Variants in PREX2 observed in about 807,000 individuals in gnomAD.
The protein encoded by PREX2 is phosphatidylinositol 3,4,5-trisphosphate-dependent Rac exchanger 2 protein.
PREX2 carries 107 observed loss-of-function variants against 203.2 expected under a neutral mutation model. That is an observed-to-expected ratio of 0.53 (90% CI 0.45 to 0.62). The LOEUF (loss-of-function observed/expected upper bound fraction) is 0.62. PREX2 is among the 20% of genes least tolerant of loss of function. PREX2 has a pLI of 0.00. For missense variants in PREX2, 1,777 were observed against 1,955.9 expected (o/e 0.91, Z 1.72); for synonymous variants, 672 against 663.6 (o/e 1.01, Z -0.19).
intron 32 of PREX2, among the ~76,000 whole-genome samples, chr8:68,135,143 A>AGC: frequency 8.5e-6 from 1 of 118,136 alleles, no homozygotes; most frequent in Non-Finnish European, 2.0e-5. Flanking sequence ...TATGATAGGA[A>AGC]GCCTACTTTT....
intron 1 of PREX2, among the ~76,000 whole-genome samples, chr8:68,012,088 C>A (rs1179743843): frequency 6.6e-6 from 1 of 152,124 alleles, no homozygotes; most frequent in African/African-American, 2.4e-5. Context: ...TAAATATCTT[C>A]AAAACTCTGT....
intron 1 of PREX2, among the ~76,000 whole-genome samples, chr8:67,956,709 G>A (rs1020823674): frequency 6.6e-5 from 10 of 152,200 alleles, no homozygotes; most frequent in Non-Finnish European, 1.5e-5. Flanking sequence ...GGGTGAAAGG[G>A]AGTGCTATTA....
intron 9 of PREX2, among the ~76,000 whole-genome samples, chr8:68,054,864 C>A (rs1167113921): frequency 6.6e-6 from 1 of 152,214 alleles, no homozygotes; most frequent in Non-Finnish European, 1.5e-5. Context: ...CAATACACCT[C>A]CCTGCTTCCA....
intron 1 of PREX2, among the ~76,000 whole-genome samples, chr8:68,001,473 G>A (rs138773274): frequency 1.6e-4 from 25 of 152,194 alleles, no homozygotes; most frequent in African/African-American, 6.0e-4. Flanking sequence ...CAGAGAAAAG[G>A]GAATATTTAC....
At chr8:67,971,026 C>A (rs55937652) in intron 1 of PREX2, among the ~76,000 whole-genome samples, 41 of 152,144 alleles carry the variant, frequency 2.7e-4, no homozygotes, top group African/African-American at 9.6e-4. Flanking sequence ...TTTTGTGGAA[C>A]AGTGATTAAA....
intron 18 of PREX2, among the ~76,000 whole-genome samples, chr8:68,084,904 A>C (rs1809635274): frequency 6.6e-6 from 1 of 152,168 alleles, no homozygotes; most frequent in Admixed American, 6.5e-5. Context: ...TACTGATCAG[A>C]GACATTCCAA....
chr8:68,124,604 A>G (rs1421313378), intron 30 of PREX2, among the ~76,000 whole-genome samples: 1 of 152,114 alleles, frequency 6.6e-6, no homozygotes, highest in Non-Finnish European at 1.5e-5. Context: ...AAGTGTACCT[A>G]TATAAGAAAC....
chr8:68,158,600 T>C (rs1045364761), intron 35 of PREX2, among the ~76,000 whole-genome samples: 10 of 152,098 alleles, frequency 6.6e-5, no homozygotes, highest in Non-Finnish European at 1.5e-4. Context: ...CTCTAGGGTG[T>C]GGGTTGTAGC....
Position 68,080,573 on chromosome 8 carries a change from T to A in PREX2, c.1773T>A (p.Ala591=). 1 of 1,602,214 alleles carries A rather than the reference T, an allele frequency of 6.2e-7. No homozygotes were observed. Among genetic ancestry groups the A allele is most frequent in the South Asian group, 1.1e-5 (1 of 89,498 alleles). ...HDLKVVENVI[A]KSLLIKSNEG... The stretch of plus-strand genomic sequence containing the variant: ...TAAAAGTTGTGGAAAATGTTATAGC[T>A]AAGTCATTATTGGTAAGTTTATTGA... The change falls in exon 16 of 40, where the codon GCT becomes GCA. Residue 591 remains alanine, a synonymous_variant. Coordinates refer to ENST00000288368, the MANE Select transcript of PREX2 (RefSeq NM_024870.4).
At chr8:67,998,417 C>T (rs1056692088) in intron 1 of PREX2, among the ~76,000 whole-genome samples, 1 of 152,166 alleles carries the variant, frequency 6.6e-6, no homozygotes, top group Non-Finnish European at 1.5e-5. Flanking sequence ...CTGGCTGGTA[C>T]ATGTAAGCTT....
intron 1 of PREX2, among the ~76,000 whole-genome samples, chr8:67,954,067 T>C (rs1426246582): frequency 6.6e-6 from 1 of 152,244 alleles, no homozygotes; most frequent in Non-Finnish European, 1.5e-5. Flanking sequence ...AATTTGTTGA[T>C]CTTTATTTAA....
In PREX2 at chr8:68,127,392, C is replaced by A; in HGVS notation, c.3739C>A (p.Leu1247Ile). The A allele has an allele frequency of 6.2e-7, 1 of 1,607,136 alleles. No homozygotes were observed. Among genetic ancestry groups the A allele is most frequent in the South Asian group, 1.1e-5 (1 of 90,598 alleles). Residue 1247 changes from leucine (L) to isoleucine (I), a missense_variant, in exon 31 of 40, where the codon CTA becomes ATA. By Grantham distance (5) the Leu-to-Ile change is conservative. Transcript: ENST00000288368. ...TTTCTCTGCAGAGGTAAAGTGTAGG[C>A]TACTCCTGGCTCTTCTTGAATATTC... ...RKFVEEVKCR[L>I]LLALLEYSDS... is the part of the protein sequence containing the mutation.
intron 37 of PREX2, among the ~76,000 whole-genome samples, chr8:68,209,782 G>A (rs1812709942): frequency 6.6e-6 from 1 of 152,148 alleles, no homozygotes; most frequent in Non-Finnish European, 1.5e-5. Flanking sequence ...AAGAATGCAA[G>A]TGAATCAAAA....
rs148032412 is a variant in PREX2, at chr8:68,031,782, G to C, written c.705+1124G>C. Among the ~76,000 whole-genome samples, 1,284 of 152,204 alleles carry C rather than the reference G, an allele frequency of 8.4e-3. 9 individuals are homozygous for C. The highest frequency in any genetic ancestry group is 0.024 in the Middle Eastern group (7 of 294). ...ATTCATGATGATAATTTCTTTCCTGGGGAGCTGTTGTCTTGCTGTGATGAG... is the reference window on the plus strand; with the variant it reads ...ATTCATGATGATAATTTCTTTCCTGCGGAGCTGTTGTCTTGCTGTGATGAG... On this transcript the variant is annotated intron_variant, in intron 6 of 39. Coordinates refer to ENST00000288368, the MANE Select transcript of PREX2 (RefSeq NM_024870.4).
intron 37 of PREX2, among the ~76,000 whole-genome samples, chr8:68,201,898 C>CTT (rs1812509141): frequency 1.5e-5 from 2 of 137,672 alleles, no homozygotes; most frequent in Admixed American, 7.2e-5. Context: ...AAGGTAACAC[C>CTT]TATTTTTTTT....
chr8:68,080,763 C>T lies in PREX2; in HGVS notation c.1803C>T (p.Gly601=). The T allele has an allele frequency of 6.4e-7, 1 of 1,565,838 alleles. No homozygotes were observed. Among genetic ancestry groups the T allele is most frequent in the Non-Finnish European group, 8.7e-7 (1 of 1,146,964 alleles). The change falls in exon 17 of 40, where the codon GGC becomes GGT. Residue 601 remains glycine (G), a synonymous_variant. Transcript: ENST00000288368. ...CATTTCAGATTAAATCCAATGAAGG[C>T]AGCTATGGCTTTGGATTAGAAGACA... The part of the protein sequence containing the change: ...AKSLLIKSNE[G]SYGFGLEDKN...
intron 1 of PREX2, among the ~76,000 whole-genome samples, chr8:67,983,868 G>A (rs1806337876): frequency 6.6e-6 from 1 of 152,176 alleles, no homozygotes; most frequent in South Asian, 2.1e-4. Flanking sequence ...TTTCACATCT[G>A]TAAGATGGGG....
chr8:68,133,603 T>A (rs981500248), intron 31 of PREX2, among the ~76,000 whole-genome samples: 3 of 152,170 alleles, frequency 2.0e-5, no homozygotes, highest in African/African-American at 7.2e-5. Flanking sequence ...ACATTAGTAT[T>A]TGAGTAGGTT....
intron 9 of PREX2, among the ~76,000 whole-genome samples, chr8:68,054,707 C>T (rs768210515): frequency 8.5e-5 from 13 of 152,208 alleles, no homozygotes; most frequent in Non-Finnish European, 1.8e-4. Flanking sequence ...CACTTTTACA[C>T]TGCCGATTTG....
Sources: allele counts gnomAD v4.1 joint callset (sites outside exome capture counted in the v4.1 genomes callset), GRCh38; gene constraint gnomAD v4.1.1; transcripts MANE v1.5; gene names NCBI Gene and HGNC (gene_info 2026-07-23, HGNC 2026-07-21).